Variants in E2F3 observed in about 807,000 individuals in gnomAD.
E2F3 encodes the protein transcription factor E2F3.
Under a neutral mutation model 44.4 loss-of-function variants are expected in E2F3, and 11 were observed. That is an observed-to-expected ratio of 0.25 (90% CI 0.16 to 0.41). The LOEUF (loss-of-function observed/expected upper bound fraction) is 0.41, where lower values mean the gene tolerates loss of function less well. E2F3 is among the 10% of genes least tolerant of loss of function. The pLI is 1.00. For synonymous variants in E2F3, 249 were observed against 253.0 expected, an observed-to-expected ratio of 0.98 and a Z score of 0.15; for missense variants, 487 against 583.6, an observed-to-expected ratio of 0.83 and a Z score of 1.70.
rs1762523717 is a variant in E2F3 at position 20,490,419 on chromosome 6, A to C, written c.1387A>C (p.Met463Leu). ...AAAGCTCCCACTGGTGGAAGACTTC[A>C]TGTGTAGTTGATTATGCTTCGTGTG... ...LEKLPLVEDF[M>L]CS Residue 463 changes from methionine to leucine, a missense_variant, in exon 7 of 7, where the codon ATG becomes CTG. Coordinates refer to ENST00000346618, the MANE Select transcript of E2F3 (RefSeq NM_001949.5). The surrounding 1 kb of genome is among the most constrained non-coding windows in gnomAD (Gnocchi z 4.3). The C allele has an allele frequency of 5.1e-6, 8 of 1,581,350 alleles. No individual in the cohort carries two copies. Among genetic ancestry groups the C allele is most frequent in the Non-Finnish European group, 6.0e-6 (7 of 1,164,266 alleles).
At position 20,490,900 on chromosome 6, in the gene E2F3, C is replaced by T. The variant is rs1457553600; in HGVS notation, c.*470C>T. The T allele has an allele frequency of 4.4e-6, 1 of 228,838 alleles. No individual in the cohort carries two copies. The highest frequency in any genetic ancestry group is 2.2e-5 in the African/African-American group (1 of 45,098). 14.2% of individuals were successfully genotyped at this position (228,838 alleles called of 1,614,324 possible). ...TGAGGTCTGCTAATATGGAATGGAACTGCAGCAAATGCAAACTTGAAGTCA... is the reference window on the plus strand; with the variant it reads ...TGAGGTCTGCTAATATGGAATGGAATTGCAGCAAATGCAAACTTGAAGTCA... On this transcript the variant is annotated 3_prime_UTR_variant, in exon 7 of 7. Transcript: ENST00000346618. This position sits in a 1 kb window ranked among gnomAD's most constrained non-coding sequence, Gnocchi z 4.3.
rs918968099 is a variant in E2F3, at chr6:20,402,046, G to T, written c.-187G>T. ...GGGACCCTCCTCTCTCCAGAGCCCC[G>T]ATTATTTTTGGCCCCCGGGGCCTGT... On this transcript the variant is annotated 5_prime_UTR_variant, in exon 1 of 7. Transcript: ENST00000346618. The surrounding 1 kb of genome is among the most constrained non-coding windows in gnomAD (Gnocchi z 5.6). 56 of 1,053,460 alleles carry T rather than the reference G, an allele frequency of 5.3e-5. No homozygotes were observed. The highest frequency in any genetic ancestry group is 7.0e-5 in the Non-Finnish European group (55 of 782,552). 65.3% of individuals were successfully genotyped at this position (1,053,460 alleles called of 1,614,324 possible). A position where few individuals can be genotyped will look rare whatever the true frequency, so the allele number is the denominator to read the frequency against.
intron 1 of E2F3, among the ~76,000 whole-genome samples, chr6:20,437,492 A>C (rs906695253): frequency 6.6e-6 from 1 of 151,574 alleles, no homozygotes; most frequent in Admixed American, 6.6e-5. Flanking sequence ...TTTTTTTTTC[A>C]AAAAAATTTT....
chr6:20,409,201 C>T lies in E2F3; in HGVS notation c.393+6576C>T, dbSNP rs114282606. Among the ~76,000 whole-genome samples, 402 of 152,218 alleles carry T rather than the reference C, an allele frequency of 2.6e-3. 1 individual carries two copies. The highest frequency in any genetic ancestry group is 9.2e-3 in the African/African-American group (383 of 41,524). On this transcript the variant is annotated intron_variant, in intron 1 of 6. Coordinates refer to ENST00000346618, the MANE Select transcript of E2F3 (RefSeq NM_001949.5). ...TTTAGATTTCCTTCAGGAGTGGTTA[C>T]CTTTTTTAAAAATGCGCACATAAAG...
At chr6:20,442,984 C>T (rs1365512942) in intron 1 of E2F3, among the ~76,000 whole-genome samples, 2 of 150,982 alleles carry the variant, frequency 1.3e-5, no homozygotes, top group African/African-American at 4.9e-5. Flanking sequence ...AAAAAAATCT[C>T]AAATCTATTT....
chr6:20,416,594 C>G (rs1759854108), intron 1 of E2F3, among the ~76,000 whole-genome samples: 1 of 152,120 alleles, frequency 6.6e-6, no homozygotes, highest in Admixed American at 6.5e-5. Flanking sequence ...AGGTTGTACT[C>G]CAGACCCACT....
intron 1 of E2F3, among the ~76,000 whole-genome samples, chr6:20,460,522 G>A (rs1254561005): frequency 2.0e-5 from 3 of 152,072 alleles, no homozygotes; most frequent in Non-Finnish European, 2.9e-5. Context: ...GGGTATATAA[G>A]ATAAAATGGT....
intron 1 of E2F3, among the ~76,000 whole-genome samples, chr6:20,478,251 G>A (rs1419409502): frequency 6.6e-6 from 1 of 152,030 alleles, no homozygotes; most frequent in East Asian, 1.9e-4. Flanking sequence ...TTGTTCAAGG[G>A]TCAGTTGTAT....
intron 1 of E2F3, among the ~76,000 whole-genome samples, chr6:20,442,984 C>G (rs1365512942): frequency 4.6e-5 from 7 of 150,982 alleles, no homozygotes; most frequent in Non-Finnish European, 1.0e-4. Flanking sequence ...AAAAAAATCT[C>G]AAATCTATTT....
At chr6:20,420,225 A>G (rs1759979453) in intron 1 of E2F3, among the ~76,000 whole-genome samples, 1 of 152,240 alleles carries the variant, frequency 6.6e-6, no homozygotes, top group Admixed American at 6.5e-5. Context: ...TCACTAATTT[A>G]AACCTTAACA....
rs746263274 is a variant in E2F3 at position 20,402,602 on chromosome 6, AGCGGCG to A, written c.382_387del (p.Gly128_Gly129del). 1.3e-5 allele frequency: 18 copies of A among 1,333,432 alleles called. No homozygotes were observed. The highest frequency in any genetic ancestry group is 1.9e-5 in the South Asian group (1 of 51,606). 82.6% of individuals were successfully genotyped at this position (1,333,432 alleles called of 1,614,324 possible). A position where few individuals can be genotyped will look rare whatever the true frequency, so the allele number is the denominator to read the frequency against. On this transcript the variant is annotated inframe_deletion, in exon 1 of 7. Transcript: ENST00000346618. This position sits in a 1 kb window ranked among gnomAD's most constrained non-coding sequence, Gnocchi z 5.6. ...GCCACCAGCGCTGGGACGCGGCGGCAGCGGCGGCGGCGGCGGCCCTCCGGTAATACC... is the reference window on the plus strand; with the variant it reads ...GCCACCAGCGCTGGGACGCGGCGGCAGCGGCGGCGGCCCTCCGGTAATACC...
chr6:20,411,095 A>G (rs1302446899), intron 1 of E2F3, among the ~76,000 whole-genome samples: 2 of 152,246 alleles, frequency 1.3e-5, no homozygotes, highest in African/African-American at 4.8e-5. Context: ...GGGAAAAAGA[A>G]CTGAAGAATA....
chr6:20,462,859 C>CTCTCTTTTTT (rs1761564604), intron 1 of E2F3, among the ~76,000 whole-genome samples: 1 of 48,812 alleles, frequency 2.0e-5, no homozygotes, highest in African/African-American at 7.8e-5. Flanking sequence ...CTCTCTCTCT[C>CTCTCTTTTTT]TTTTTTTTTT....
At chr6:20,480,573 A>T (rs1483267170) in intron 2 of E2F3, among the ~76,000 whole-genome samples, 1 of 152,232 alleles carries the variant, frequency 6.6e-6, no homozygotes, top group African/African-American at 2.4e-5. Flanking sequence ...GTGTGACACT[A>T]AATTAAAACC....
At chr6:20,405,534 A>G (rs1043032583) in intron 1 of E2F3, among the ~76,000 whole-genome samples, 2 of 151,798 alleles carry the variant, frequency 1.3e-5, no homozygotes, top group Admixed American at 1.3e-4. Context: ...TTTAAGAGCT[A>G]TTTCTACTGG....
intron 4 of E2F3, among the ~76,000 whole-genome samples, chr6:20,483,325 G>C (rs1762292373): frequency 6.6e-5 from 10 of 152,054 alleles, no homozygotes. Context: ...ATTTTTGGTG[G>C]GTGTTAGCTG....
chr6:20,402,220 G>A lies in E2F3; in HGVS notation c.-13G>A. ...TTAATATACCATAACACTAAAAAGA[G>A]CAGGAGCGAGAGATGAGAAAGGGAA... On this transcript the variant is annotated 5_prime_UTR_variant, in exon 1 of 7. Transcript: ENST00000346618. The surrounding 1 kb of genome is among the most constrained non-coding windows in gnomAD (Gnocchi z 5.6). The A allele has an allele frequency of 1.3e-6, 2 of 1,580,464 alleles. No homozygotes were observed. The highest frequency in any genetic ancestry group is 1.7e-6 in the Non-Finnish European group (2 of 1,170,404).
intron 1 of E2F3, among the ~76,000 whole-genome samples, chr6:20,430,248 T>A (rs1204134903): frequency 6.6e-6 from 1 of 152,224 alleles, no homozygotes; most frequent in African/African-American, 2.4e-5. Context: ...AGATATTTTT[T>A]AAATTTGTTG....
intron 1 of E2F3, among the ~76,000 whole-genome samples, chr6:20,409,028 T>G (rs1028515089): frequency 9.2e-5 from 14 of 152,324 alleles, no homozygotes; most frequent in African/African-American, 2.6e-4. Context: ...GCTGTTAAAT[T>G]ACTTGCCCAA....
Sources: gnomAD v4.1 joint callset for allele counts (sites outside exome capture counted in the v4.1 genomes callset) on GRCh38, gnomAD v4.1.1 for gene constraint, Gnocchi (gnomAD v3.1) non-coding constraint, MANE v1.5 for transcripts, NCBI Gene and HGNC (gene_info 2026-07-23, HGNC 2026-07-21) for gene names.